SCN3A: variants seen among roughly 807,000 people sequenced by gnomAD.
The protein encoded by SCN3A is sodium voltage-gated channel alpha subunit 3.
Under a neutral mutation model 187.6 loss-of-function variants are expected in SCN3A, and 60 were observed. The observed-to-expected ratio is 0.32, with a 90% confidence interval of 0.26 to 0.40. The LOEUF (loss-of-function observed/expected upper bound fraction) is 0.40. SCN3A is among the 10% of genes least tolerant of loss of function. The pLI is 1.00. For synonymous variants in SCN3A, 788 were observed against 829.2 expected, an observed-to-expected ratio of 0.95 and a Z score of 0.85; for missense variants, 1,601 against 2,428.2, an observed-to-expected ratio of 0.66 and a Z score of 7.16.
intron 15 of SCN3A, among the ~76,000 whole-genome samples, chr2:165,134,066 T>C (rs766565508): frequency 1.5e-4 from 23 of 152,138 alleles, no homozygotes; most frequent in Non-Finnish European, 2.4e-4. Context: ...TTAAGGTTAA[T>C]GGATTAATAG....
In SCN3A at chr2:165,140,853, C is replaced by G; in HGVS notation, c.1817G>C (p.Ser606Thr). ...CGGCACAAACAGTGAGTCTCTCCTGCTTTCGCTGTCTTCAAATGTGCTGTG... is the reference window on the plus strand; with the variant it reads ...CGGCACAAACAGTGAGTCTCTCCTGGTTTCGCTGTCTTCAAATGTGCTGTG... ...DEHSTFEDSESRRDSLFVPHR... is the reference protein window; with the variant it reads ...DEHSTFEDSETRRDSLFVPHR... Residue 606 changes from serine (S) to threonine (T), a missense_variant, in exon 13 of 28, where the codon AGC becomes ACC. By Grantham distance (58) the Ser-to-Thr change is moderately conservative (BLOSUM62 1). This residue lies in a region of SCN3A where 376 missense variants were observed against 476.0 expected (regional missense o/e 0.79). Coordinates refer to ENST00000283254, the MANE Select transcript of SCN3A (RefSeq NM_006922.4). The surrounding 1 kb of genome is among the most constrained non-coding windows in gnomAD (Gnocchi z 4.2). 6.2e-7 allele frequency: 1 copy of G among 1,614,142 alleles called. No individual in the cohort carries two copies. The highest frequency in any genetic ancestry group is 8.5e-7 in the Non-Finnish European group (1 of 1,180,030).
intron 1 of SCN3A, among the ~76,000 whole-genome samples, chr2:165,201,700 TG>T (rs1367979070): frequency 6.6e-6 from 1 of 152,028 alleles, no homozygotes; most frequent in Non-Finnish European, 1.5e-5. Context: ...CACTTCTCCA[TG>T]TTGTTTCCTG....
chr2:165,165,047 G>A (rs947162285), intron 5 of SCN3A, among the ~76,000 whole-genome samples: 2 of 152,044 alleles, frequency 1.3e-5, no homozygotes, highest in Admixed American at 1.3e-4. Context: ...AGGCAACATA[G>A]CTTGGATTCA....
At chr2:165,203,379 G>A (rs983765957) in intron 1 of SCN3A, among the ~76,000 whole-genome samples, 1 of 151,828 alleles carries the variant, frequency 6.6e-6, no homozygotes, top group Non-Finnish European at 1.5e-5. Flanking sequence ...CTCCCTATAT[G>A]CATGGCCTCT....
intron 5 of SCN3A, among the ~76,000 whole-genome samples, chr2:165,165,069 A>G (rs1394206593): frequency 6.6e-6 from 1 of 152,230 alleles, no homozygotes; most frequent in Non-Finnish European, 1.5e-5. Context: ...TTACTTAAAT[A>G]ATAAAATATT....
chr2:165,154,453 T>C lies in SCN3A; in HGVS notation c.1379A>G (p.Gln460Arg). The C allele has an allele frequency of 6.2e-7, 1 of 1,614,044 alleles. No individual in the cohort carries two copies. Residue 460 changes from glutamine to arginine, a missense_variant and splice_region_variant, in exon 11 of 28, where the codon CAG (glutamine) becomes CGG (arginine). By Grantham distance (43) the Gln-to-Arg change is conservative. Around this residue, in one of 11 missense-constraint regions of SCN3A, gnomAD observed 376 missense variants for 476.0 expected, o/e 0.79. Coordinates refer to ENST00000283254, the MANE Select transcript of SCN3A (RefSeq NM_006922.4). Reference protein sequence around the residue: ...EQLKKQQEEAQAVAAASAASR... With the variant: ...EQLKKQQEEARAVAAASAASR... ...ATCTTTGCTTTTATCACTCAGTACC[T>C]GAGCTTCTTCCTGTTGCTTTTTAAG...
rs758183236 is a variant in SCN3A at position 165,092,301 on chromosome 2, A to G, written c.4760T>C (p.Ile1587Thr). 4 of 1,613,878 alleles carry G rather than the reference A, an allele frequency of 2.5e-6. No individual in the cohort carries two copies. The highest frequency in any genetic ancestry group is 1.7e-5 in the Admixed American group (1 of 59,956). ...LVSLRHYYFT[I>T]GWNIFDFVVV... ...CACAAAGTCAAAGATGTTCCAGCCTATAGTGAAGTAGTAGTGTCTGAGGGA... is the reference window on the plus strand; with the variant it reads ...CACAAAGTCAAAGATGTTCCAGCCTGTAGTGAAGTAGTAGTGTCTGAGGGA... Residue 1587 changes from isoleucine (I) to threonine (T), a missense_variant, in exon 27 of 28, where the codon ATA (isoleucine) becomes ACA (threonine). Coordinates refer to ENST00000283254, the MANE Select transcript of SCN3A (RefSeq NM_006922.4). The surrounding 1 kb of genome is among the most constrained non-coding windows in gnomAD (Gnocchi z 4.2).
chr2:165,196,961 A>C (rs145506063), intron 1 of SCN3A, among the ~76,000 whole-genome samples: 2 of 152,270 alleles, frequency 1.3e-5, no homozygotes, highest in East Asian at 3.9e-4. Context: ...GAGTGAATGT[A>C]TAGTTGTACA....
chr2:165,090,375 G>A lies in SCN3A; in HGVS notation c.5778C>T (p.Asn1926=), dbSNP rs762432345. ...TCCCTTTAATTGCCTCTTTGTTATA[G>A]TTACTTGATATATTTTTTAACCTTT... ...LKQRLKNISS[N]YNKEAIKGRI... Residue 1926 remains asparagine (N), a synonymous_variant, in exon 28 of 28, where the codon AAC becomes AAT. Transcript: ENST00000283254. The surrounding 1 kb of genome is among the most constrained non-coding windows in gnomAD (Gnocchi z 4.0). The A allele has an allele frequency of 1.2e-5, 20 of 1,612,766 alleles. No homozygotes were observed. In the South Asian group the frequency reaches 2.0e-4, roughly 16 times the overall value.
Position 165,092,166 on chromosome 2 carries a change from A to T in SCN3A, c.4807+88T>A. ...TACATCTATATGCATTATTATTCTCAGACCTAATTTCCATGTTAATCAGCT... is the reference window on the plus strand; with the variant it reads ...TACATCTATATGCATTATTATTCTCTGACCTAATTTCCATGTTAATCAGCT... On this transcript the variant is annotated intron_variant, in intron 27 of 27. Transcript: ENST00000283254. This position sits in a 1 kb window ranked among gnomAD's most constrained non-coding sequence, Gnocchi z 4.2. 1 of 1,269,002 alleles carries T rather than the reference A, an allele frequency of 7.9e-7. No individual in the cohort carries two copies. The highest frequency in any genetic ancestry group is 1.2e-6 in the Non-Finnish European group (1 of 868,104). The allele number at this position is 1,269,002 out of a possible 1,614,324, so 78.6% of individuals were successfully genotyped here.
At chr2:165,149,232 A>G (rs916002669) in intron 11 of SCN3A, among the ~76,000 whole-genome samples, 2 of 150,798 alleles carry the variant, frequency 1.3e-5, no homozygotes, top group Non-Finnish European at 2.9e-5. Context: ...CTGGAGTGCA[A>G]TGGCATGATC....
intron 23 of SCN3A, among the ~76,000 whole-genome samples, 156 bp from the exon 24 acceptor site, chr2:165,096,676 A>G (rs914431093): frequency 6.6e-6 from 1 of 152,168 alleles, no homozygotes; most frequent in Non-Finnish European, 1.5e-5. Flanking sequence ...ATAGAAAAAC[A>G]TTTGTATTTA....
At position 165,164,069 on chromosome 2, in the gene SCN3A, C is replaced by T. The variant is rs141304019; in HGVS notation, c.602+323G>A. ...GAAACAAAATCGTGTTGCTTTATTT[C>T]AATGTAATTTTCACTAATATGAACA... On this transcript the variant is annotated intron_variant, in intron 6 of 27. Coordinates refer to ENST00000283254, the MANE Select transcript of SCN3A (RefSeq NM_006922.4). Among the ~76,000 whole-genome samples, 1,122 of 152,238 alleles carry T rather than the reference C, an allele frequency of 7.4e-3. 19 individuals carry two copies. The highest frequency in any genetic ancestry group is 0.026 in the African/African-American group (1,064 of 41,554).
chr2:165,131,202 A>T, intron 16 of SCN3A, 42 bp downstream of exon 16: 1 of 1,309,024 alleles, frequency 7.6e-7, no homozygotes, highest in South Asian at 1.9e-5. Flanking sequence ...TTCAAAATAA[A>T]TGTTGTGCCA....
chr2:165,107,046 A>G (rs2105686628), intron 21 of SCN3A, among the ~76,000 whole-genome samples: 1 of 152,322 alleles, frequency 6.6e-6, no homozygotes, highest in African/African-American at 2.4e-5. Context: ...GATTTATACA[A>G]ACATTACCAT....
Position 165,092,259 on chromosome 2 carries a change from A to G in SCN3A, c.4802T>C (p.Ile1601Thr). ...GGTAATTAAGCTGTTCTTACCTACA[A>G]TGGAGAGAATCACCACCACAAAGTC... ...IFDFVVVILS[I>T]VGMFLAEMIE... Residue 1601 changes from isoleucine (I) to threonine (T), a missense_variant, in exon 27 of 28, where the codon ATT becomes ACT. Ile to Thr is a moderately conservative substitution (Grantham distance 89). Coordinates refer to ENST00000283254, the MANE Select transcript of SCN3A (RefSeq NM_006922.4). The surrounding 1 kb of genome is among the most constrained non-coding windows in gnomAD (Gnocchi z 4.2). 6.2e-7 allele frequency: 1 copy of G among 1,613,952 alleles called. No homozygotes were observed. The highest frequency in any genetic ancestry group is 8.5e-7 in the Non-Finnish European group (1 of 1,179,884).
intron 1 of SCN3A, among the ~76,000 whole-genome samples, chr2:165,191,213 T>G (rs1691590656): frequency 6.6e-6 from 1 of 152,044 alleles, no homozygotes; most frequent in Non-Finnish European, 1.5e-5. Context: ...ACCTGGAACC[T>G]TGAAATGATT....
At chr2:165,147,955 A>T (rs1248761170) in intron 11 of SCN3A, among the ~76,000 whole-genome samples, 1 of 152,306 alleles carries the variant, frequency 6.6e-6, no homozygotes, top group South Asian at 2.1e-4. Context: ...CTATTTGTAA[A>T]TGTAACCACA....
intron 19 of SCN3A, 105 bp from the exon 20 acceptor site, chr2:165,114,075 A>G (rs1686242712): frequency 3.0e-6 from 2 of 661,476 alleles, no homozygotes; most frequent in Non-Finnish European, 5.0e-6. Context: ...ATCATTTCAT[A>G]GGGTAACCAT....
Sources: gnomAD v4.1 joint callset for allele counts (sites outside exome capture counted in the v4.1 genomes callset) on GRCh38, gnomAD v4.1.1 for gene constraint, gnomAD v4.1.1 regional missense constraint, Gnocchi (gnomAD v3.1) non-coding constraint, MANE v1.5 for transcripts, NCBI Gene and HGNC (gene_info 2026-07-23, HGNC 2026-07-21) for gene names.